The following RALGPS1 variants were observed in gnomAD, a reference collection of about 807,000 sequenced individuals.
The protein encoded by RALGPS1 is ras-specific guanine nucleotide-releasing factor RalGPS1.
In RALGPS1, 19 loss-of-function variants were observed where a neutral mutation model predicts 78.8. That is an observed-to-expected ratio of 0.24 (90% CI 0.17 to 0.35). RALGPS1 has a LOEUF of 0.35. Among genes scored for constraint, RALGPS1 ranks in the 10% least tolerant of loss-of-function variants. The pLI is 1.00. For missense variants in RALGPS1, 454 were observed against 688.3 expected, an observed-to-expected ratio of 0.66 and a Z score of 3.81; for synonymous variants, 228 against 256.3, an observed-to-expected ratio of 0.89 and a Z score of 1.06.
intron 8 of RALGPS1, chr9:127,093,635 T>C (rs2136486600): frequency 1.4e-6 from 2 of 1,436,914 alleles, no homozygotes; most frequent in Non-Finnish European, 1.9e-6. Flanking sequence ...TTGGTCAGCA[T>C]GTACCTCTGA....
chr9:127,061,928 T>C (rs1241752408), intron 7 of RALGPS1, among the ~76,000 whole-genome samples: 3 of 152,058 alleles, frequency 2.0e-5, no homozygotes, highest in African/African-American at 7.2e-5. Context: ...TACTCTTGGG[T>C]CTTTGTGGGA....
chr9:126,919,946 C>T lies in RALGPS1; in HGVS notation c.-66+4971C>T, dbSNP rs528515460. Among the ~76,000 whole-genome samples, 6 of 152,264 alleles carry T rather than the reference C, an allele frequency of 3.9e-5. No homozygotes were observed. In the East Asian group the frequency reaches 1.2e-3, roughly 29 times the overall value. On this transcript the variant is annotated intron_variant, in intron 1 of 18. Transcript: ENST00000259351. ...TCCCTGGGGTGGTTTGGAATGCCTC[C>T]TCAGCTCAAATTTTCCCTCCTTTGT...
At chr9:127,144,693 A>G (rs1346945422) in intron 8 of RALGPS1, among the ~76,000 whole-genome samples, 1 of 152,272 alleles carries the variant, frequency 6.6e-6, no homozygotes, top group Admixed American at 6.5e-5. Context: ...GTACCGATCC[A>G]TGCTACAACA....
At chr9:126,924,701 T>G (rs2035096537) in intron 1 of RALGPS1, among the ~76,000 whole-genome samples, 1 of 152,244 alleles carries the variant, frequency 6.6e-6, no homozygotes, top group Non-Finnish European at 1.5e-5. Context: ...GAAGGTAGTC[T>G]TATTCCTTAT....
At chr9:127,159,172 C>A (rs1228651976) in intron 8 of RALGPS1, among the ~76,000 whole-genome samples, 2 of 152,128 alleles carry the variant, frequency 1.3e-5, no homozygotes, top group Admixed American at 6.5e-5. Flanking sequence ...CTCCTCATGC[C>A]CCTTCTTACT....
At chr9:127,059,908 C>T (rs1428561504) in intron 7 of RALGPS1, among the ~76,000 whole-genome samples, 3 of 152,054 alleles carry the variant, frequency 2.0e-5, no homozygotes, top group Admixed American at 2.0e-4. Flanking sequence ...CAGTCTCCTG[C>T]TTCAAACACA....
intron 8 of RALGPS1, among the ~76,000 whole-genome samples, chr9:127,086,490 C>G (rs2051759721): frequency 6.6e-6 from 1 of 152,194 alleles, no homozygotes; most frequent in Non-Finnish European, 1.5e-5. Context: ...ATCTTGTTTA[C>G]TGGCCATTTG....
At chr9:127,025,875 T>C (rs1477120702) in intron 4 of RALGPS1, among the ~76,000 whole-genome samples, 1 of 151,834 alleles carries the variant, frequency 6.6e-6, no homozygotes, top group Non-Finnish European at 1.5e-5. Flanking sequence ...TTGTTTTTTT[T>C]CTAATTTTCT....
At position 127,068,703 on chromosome 9, in the gene RALGPS1, T is replaced by C. The variant is rs558716565; in HGVS notation, c.484-527T>C. Among the ~76,000 whole-genome samples, 4 of 152,280 alleles carry C rather than the reference T, an allele frequency of 2.6e-5. No individual in the cohort carries two copies. In the South Asian group the frequency reaches 8.3e-4, roughly 32 times the overall value. On this transcript the variant is annotated intron_variant, in intron 7 of 18. Coordinates refer to ENST00000259351, the MANE Select transcript of RALGPS1 (RefSeq NM_014636.3). ...TGGTGGTGTTAGACAACAGCTTTTA[T>C]TGAAGTGGCACTGTATAGCAGCAGC...
intron 8 of RALGPS1, among the ~76,000 whole-genome samples, chr9:127,164,155 G>A (rs1312844311): frequency 6.6e-6 from 1 of 151,994 alleles, no homozygotes; most frequent in African/African-American, 2.4e-5. Flanking sequence ...GACTTACTGA[G>A]GTTTTCTTTA....
At chr9:126,940,936 T>C (rs2036720724) in intron 1 of RALGPS1, among the ~76,000 whole-genome samples, 1 of 152,210 alleles carries the variant, frequency 6.6e-6, no homozygotes, top group African/African-American at 2.4e-5. Context: ...CATACCTATT[T>C]CAAAAGAAAC....
At chr9:127,000,647 C>T (rs2043211492) in intron 4 of RALGPS1, among the ~76,000 whole-genome samples, 1 of 136,886 alleles carries the variant, frequency 7.3e-6, no homozygotes, top group South Asian at 2.3e-4. Flanking sequence ...TTCCCAGGTT[C>T]AAGCGATTCT....
At chr9:127,068,159 G>C (rs779193772) in intron 7 of RALGPS1, among the ~76,000 whole-genome samples, 1 of 152,260 alleles carries the variant, frequency 6.6e-6, no homozygotes, top group East Asian at 1.9e-4. Context: ...TTGCCCCTTC[G>C]ATGACTGCAT....
rs1346722202 is a variant in RALGPS1, at chr9:127,182,146, G to A, written c.910+7364G>A. Among the ~76,000 whole-genome samples, 2 of 149,708 alleles carry A rather than the reference G, an allele frequency of 1.3e-5. 1 individual carries two copies. Among genetic ancestry groups the A allele is most frequent in the East Asian group, 3.9e-4 (2 of 5,110 alleles). ...TGAGCCCAGAGTAGAGTTTGAGACC[G>A]GCCTGAGCAATATGGCAAAACCCCA... On this transcript the variant is annotated intron_variant, in intron 11 of 18. Coordinates refer to ENST00000259351, the MANE Select transcript of RALGPS1 (RefSeq NM_014636.3).
chr9:127,016,964 T>G (rs1219188883), intron 4 of RALGPS1: 1 of 152,218 alleles, frequency 6.6e-6, no homozygotes, highest in Admixed American at 6.5e-5. Flanking sequence ...TGCATGTGGC[T>G]GTTGAGCATT....
At chr9:126,931,896 G>T (rs894076021) in intron 1 of RALGPS1, among the ~76,000 whole-genome samples, 4 of 152,082 alleles carry the variant, frequency 2.6e-5, no homozygotes, top group African/African-American at 9.7e-5. Flanking sequence ...CCTGGGGTAT[G>T]TGTCCAGACA....
chr9:126,934,357 A>G (rs543307114), intron 1 of RALGPS1, among the ~76,000 whole-genome samples: 49 of 152,220 alleles, frequency 3.2e-4, no homozygotes, highest in South Asian at 6.2e-4. Flanking sequence ...CCTATTGATT[A>G]GGGGATTATG....
intron 14 of RALGPS1, among the ~76,000 whole-genome samples, chr9:127,201,580 T>C (rs1487776988): frequency 2.0e-5 from 3 of 152,356 alleles, no homozygotes; most frequent in East Asian, 1.9e-4. Flanking sequence ...GAGGGGAAGA[T>C]TGACCTCTTG....
At chr9:127,115,837 C>T (rs1289409584) in intron 8 of RALGPS1, among the ~76,000 whole-genome samples, 1 of 152,248 alleles carries the variant, frequency 6.6e-6, no homozygotes, top group Non-Finnish European at 1.5e-5. Context: ...CAGTGACACC[C>T]TCACCTTGGA....
Sources: allele counts gnomAD v4.1 joint callset (sites outside exome capture counted in the v4.1 genomes callset), GRCh38; gene constraint gnomAD v4.1.1; transcripts MANE v1.5; gene names NCBI Gene and HGNC (gene_info 2026-07-23, HGNC 2026-07-21).